The following PRKCA variants were observed in gnomAD, a reference collection of about 807,000 sequenced individuals.
The protein encoded by PRKCA is protein kinase C alpha type.
In PRKCA, 27 loss-of-function variants were observed where a neutral mutation model predicts 87.0. The observed-to-expected ratio is 0.31, with a 90% CI of 0.23 to 0.43. The LOEUF (loss-of-function observed/expected upper bound fraction) is 0.43. PRKCA is among the 20% of genes least tolerant of loss of function. The pLI is 1.00. For synonymous variants in PRKCA, 329 were observed against 311.1 expected (o/e 1.06, Z -0.61); for missense variants, 518 against 852.3 (o/e 0.61, Z 4.88).
At chr17:66,492,989 C>G (rs960756508) in intron 2 of PRKCA, among the ~76,000 whole-genome samples, 1 of 151,398 alleles carries the variant, frequency 6.6e-6, no homozygotes, top group Non-Finnish European at 1.5e-5. Flanking sequence ...ACCTCCCCCT[C>G]TAAAGGGATG....
Position 66,500,085 on chromosome 17 carries a change from G to T in PRKCA, c.288+3802G>T, listed in dbSNP as rs184774877. Among the ~76,000 whole-genome samples, 468 of 152,298 alleles carry T rather than the reference G, an allele frequency of 3.1e-3. 3 individuals carry two copies. The highest frequency in any genetic ancestry group is 0.011 in the African/African-American group (438 of 41,564). On this transcript the variant is annotated intron_variant, in intron 3 of 16. Coordinates refer to ENST00000413366, the MANE Select transcript of PRKCA (RefSeq NM_002737.3). ...TCCCTTATTAGAGAGGTACAAGGGA[G>T]CTGTTACCTCCATTTCCCCTTTTAG...
intron 3 of PRKCA, among the ~76,000 whole-genome samples, chr17:66,536,519 A>G (rs1335525317): frequency 6.6e-6 from 1 of 152,214 alleles, no homozygotes; most frequent in Non-Finnish European, 1.5e-5. Flanking sequence ...AATGTAGTTA[A>G]CTTCGGAGCC....
chr17:66,487,869 A>T (rs1916052266), intron 2 of PRKCA, among the ~76,000 whole-genome samples: 1 of 152,074 alleles, frequency 6.6e-6, no homozygotes, highest in Non-Finnish European at 1.5e-5. Flanking sequence ...TTGAGTGAAG[A>T]GTTTGAGAAT....
chr17:66,742,599 G>C, intron 12 of PRKCA, 23 bp from the exon 13 acceptor site: 1 of 1,612,396 alleles, frequency 6.2e-7, no homozygotes, highest in Non-Finnish European at 8.5e-7. Context: ...GAAGGACTCT[G>C]ATGTTAACCC....
intron 3 of PRKCA, among the ~76,000 whole-genome samples, chr17:66,578,259 C>T (rs1020770422): frequency 3.3e-5 from 5 of 152,130 alleles, no homozygotes; most frequent in Non-Finnish European, 5.9e-5. Flanking sequence ...GCCTCACCTG[C>T]AGCAGGTAGA....
chr17:66,760,711 T>C (rs1378253126), intron 13 of PRKCA, among the ~76,000 whole-genome samples: 1 of 152,178 alleles, frequency 6.6e-6, no homozygotes, highest in African/African-American at 2.4e-5. Flanking sequence ...ACAGATCCCA[T>C]GGATGTTAAA....
At chr17:66,353,616 T>A (rs1907883913) in intron 2 of PRKCA, among the ~76,000 whole-genome samples, 1 of 152,178 alleles carries the variant, frequency 6.6e-6, no homozygotes, top group Non-Finnish European at 1.5e-5. Context: ...TTCAGGAGGC[T>A]GAGGCGGGAG....
intron 1 of PRKCA, among the ~76,000 whole-genome samples, chr17:66,305,599 ATTAAATG>A (rs1316564518): frequency 1.3e-5 from 2 of 152,266 alleles, no homozygotes; most frequent in African/African-American, 4.8e-5. Flanking sequence ...TTAAGCCAAC[ATTAAATG>A]TTAAAAGTGA....
At chr17:66,428,036 G>T (rs1912905190) in intron 2 of PRKCA, among the ~76,000 whole-genome samples, 1 of 152,168 alleles carries the variant, frequency 6.6e-6, no homozygotes, top group Non-Finnish European at 1.5e-5. Context: ...GTATATATGA[G>T]ACCCTCATGT....
intron 3 of PRKCA, among the ~76,000 whole-genome samples, chr17:66,532,860 A>G (rs1478060175): frequency 3.3e-5 from 5 of 152,130 alleles, no homozygotes; most frequent in African/African-American, 9.7e-5. Context: ...TCAGGGGTTT[A>G]TTCCCAGCAG....
chr17:66,663,813 G>T (rs1201905876), intron 5 of PRKCA, among the ~76,000 whole-genome samples: 2 of 151,914 alleles, frequency 1.3e-5, no homozygotes, highest in African/African-American at 4.8e-5. Context: ...CTGTGTTGTG[G>T]TAGCTCTTTC....
At chr17:66,314,910 T>C (rs1200732146) in intron 2 of PRKCA, among the ~76,000 whole-genome samples, 1 of 150,712 alleles carries the variant, frequency 6.6e-6, no homozygotes, top group Non-Finnish European at 1.5e-5. Flanking sequence ...TGTATGTATG[T>C]ATGTGTATAT....
chr17:66,603,344 T>C (rs1053279640), intron 3 of PRKCA, among the ~76,000 whole-genome samples: 3 of 152,220 alleles, frequency 2.0e-5, no homozygotes, highest in African/African-American at 7.2e-5. Flanking sequence ...AATTGTTCCA[T>C]TTTTAAGACA....
At chr17:66,702,743 G>A (rs1973094588) in intron 8 of PRKCA, among the ~76,000 whole-genome samples, 1 of 152,142 alleles carries the variant, frequency 6.6e-6, no homozygotes, top group East Asian at 1.9e-4. Context: ...TTCTGAAAAT[G>A]TATCACTAAG....
intron 3 of PRKCA, among the ~76,000 whole-genome samples, chr17:66,571,693 TA>T (rs1969083711): frequency 6.6e-6 from 1 of 152,228 alleles, no homozygotes; most frequent in Non-Finnish European, 1.5e-5. Context: ...GCAAGTGGTT[TA>T]AAAACTTTTG....
rs1972100827 is a variant in PRKCA, at chr17:66,668,742, G to A, written c.530-18369G>A. Among the ~76,000 whole-genome samples the A allele has an allele frequency of 2.0e-5, 3 of 152,158 alleles. No homozygotes were observed. The South Asian group carries it at 6.2e-4, about 31-fold the overall frequency. On this transcript the variant is annotated intron_variant, in intron 5 of 16. Coordinates refer to ENST00000413366, the MANE Select transcript of PRKCA (RefSeq NM_002737.3). Reference sequence around the variant, plus strand: ...GGATAGTATCATGGAGAACATATTTGAATATAGATTATTGGAAGAAAAGAA... The same window carrying A: ...GGATAGTATCATGGAGAACATATTTAAATATAGATTATTGGAAGAAAAGAA...
chr17:66,723,952 G>A (rs916124622), intron 8 of PRKCA, among the ~76,000 whole-genome samples: 1 of 152,216 alleles, frequency 6.6e-6, no homozygotes, highest in African/African-American at 2.4e-5. Context: ...GAAGACTGTG[G>A]ACGGTGGAAA....
chr17:66,438,587 T>C (rs1338467215), intron 2 of PRKCA, among the ~76,000 whole-genome samples: 1 of 152,078 alleles, frequency 6.6e-6, no homozygotes, highest in Non-Finnish European at 1.5e-5. Context: ...GAGAAGATGA[T>C]TGTATTAGTC....
intron 13 of PRKCA, among the ~76,000 whole-genome samples, chr17:66,754,249 A>G (rs1598918411): frequency 6.6e-6 from 1 of 152,004 alleles, no homozygotes; most frequent in Admixed American, 6.6e-5. Flanking sequence ...TATTCATACA[A>G]TCAACATCGT....
Sources: allele counts gnomAD v4.1 joint callset (sites outside exome capture counted in the v4.1 genomes callset), GRCh38; gene constraint gnomAD v4.1.1; transcripts MANE v1.5; gene names NCBI Gene and HGNC (gene_info 2026-07-23, HGNC 2026-07-21).